Variants in EXOC4 observed in about 807,000 individuals in gnomAD.
The protein encoded by EXOC4 is exocyst complex component 4.
A neutral mutation model predicts 107.2 loss-of-function variants in EXOC4; 71 were observed. That is an observed-to-expected ratio of 0.66 (90% CI 0.55 to 0.81). The LOEUF is 0.81. EXOC4 is among the 30% of genes least tolerant of loss of function. EXOC4 has a pLI of 0.00. For missense variants in EXOC4, 1,108 were observed against 1,189.6 expected (o/e 0.93, Z 1.01); for synonymous variants, 456 against 441.2 (o/e 1.03, Z -0.42).
chr7:133,992,253 C>T (rs773223435), intron 14 of EXOC4, among the ~76,000 whole-genome samples: 7 of 149,264 alleles, frequency 4.7e-5, no homozygotes, highest in Admixed American at 6.8e-5. Context: ...GATTGCTGTT[C>T]GCATCTAGAA....
intron 10 of EXOC4, among the ~76,000 whole-genome samples, chr7:133,703,299 C>T (rs1325809141): frequency 6.6e-6 from 1 of 152,178 alleles, no homozygotes; most frequent in Non-Finnish European, 1.5e-5. Context: ...ATGTTCATTG[C>T]TACGTTGCTG....
chr7:133,808,695 C>T (rs538539410), intron 10 of EXOC4, among the ~76,000 whole-genome samples: 10 of 152,102 alleles, frequency 6.6e-5, no homozygotes, highest in African/African-American at 1.4e-4. Context: ...GTATAGCTAA[C>T]GGGTCATAGT....
chr7:133,919,899 T>C (rs960370801), intron 13 of EXOC4, among the ~76,000 whole-genome samples: 3 of 152,210 alleles, frequency 2.0e-5, no homozygotes, highest in Admixed American at 2.0e-4. Flanking sequence ...TTTGAGTAAA[T>C]ACCAAAGAAT....
intron 9 of EXOC4, among the ~76,000 whole-genome samples, chr7:133,581,757 CAAAAAAAAAAA>C (rs71162005): frequency 1.2e-5 from 1 of 82,912 alleles, no homozygotes; most frequent in Non-Finnish European, 2.3e-5. Flanking sequence ...GACTCCGTCT[CAAAAAAAAAAA>C]AAAAAAAAAA....
chr7:133,799,639 A>G (rs1017852357), intron 10 of EXOC4, among the ~76,000 whole-genome samples: 3 of 152,210 alleles, frequency 2.0e-5, no homozygotes, highest in Non-Finnish European at 2.9e-5. Flanking sequence ...CCTGATCCTA[A>G]GAGGACCATG....
At chr7:133,416,390 C>T (rs1797475534) in intron 7 of EXOC4, among the ~76,000 whole-genome samples, 1 of 152,202 alleles carries the variant, frequency 6.6e-6, no homozygotes, top group African/African-American at 2.4e-5. Flanking sequence ...CATACTTTCT[C>T]TCTTTCCTCT....
chr7:133,617,518 C>T (rs1802222381), intron 9 of EXOC4, among the ~76,000 whole-genome samples: 1 of 152,112 alleles, frequency 6.6e-6, no homozygotes. Flanking sequence ...AGACAAAGTA[C>T]TGCTAAAGCC....
intron 14 of EXOC4, among the ~76,000 whole-genome samples, chr7:133,957,694 G>A (rs1217406855): frequency 6.6e-6 from 1 of 152,128 alleles, no homozygotes; most frequent in Admixed American, 6.5e-5. Context: ...TCATTATCAG[G>A]AGCTTCTATT....
intron 17 of EXOC4, among the ~76,000 whole-genome samples, chr7:134,040,781 G>A (rs1340505802): frequency 6.6e-6 from 1 of 152,174 alleles, no homozygotes; most frequent in Non-Finnish European, 1.5e-5. Flanking sequence ...AGAAAAATAT[G>A]TAAGCAAAGC....
At chr7:133,714,850 G>A (rs1472574583) in intron 10 of EXOC4, among the ~76,000 whole-genome samples, 1 of 152,104 alleles carries the variant, frequency 6.6e-6, no homozygotes, top group Non-Finnish European at 1.5e-5. Flanking sequence ...CTACAAAAGA[G>A]CAAACAGATT....
At chr7:133,777,075 T>G (rs1796359924) in intron 10 of EXOC4, among the ~76,000 whole-genome samples, 1 of 152,104 alleles carries the variant, frequency 6.6e-6, no homozygotes, top group South Asian at 2.1e-4. Flanking sequence ...AAACATTATT[T>G]TATAAATATA....
intron 10 of EXOC4, among the ~76,000 whole-genome samples, chr7:133,698,292 A>G (rs1481796707): frequency 6.6e-6 from 1 of 152,020 alleles, no homozygotes; most frequent in Non-Finnish European, 1.5e-5. Context: ...TTCTGTGTTG[A>G]GACTGTTATT....
chr7:133,585,027 T>C (rs965657967), intron 9 of EXOC4, among the ~76,000 whole-genome samples: 7 of 152,240 alleles, frequency 4.6e-5, no homozygotes, highest in Non-Finnish European at 1.0e-4. Flanking sequence ...AATTTATTTT[T>C]TTGAATGTAA....
intron 4 of EXOC4, among the ~76,000 whole-genome samples, chr7:133,312,267 A>G (rs371653128): frequency 1.3e-5 from 2 of 152,174 alleles, no homozygotes; most frequent in African/African-American, 4.8e-5. Flanking sequence ...TTTGGGTCCC[A>G]AAAGCAAGTT....
At chr7:133,610,940 G>T (rs958571332) in intron 9 of EXOC4, among the ~76,000 whole-genome samples, 15 of 150,796 alleles carry the variant, frequency 9.9e-5, no homozygotes, top group Admixed American at 6.6e-5. Context: ...GCCTCCCAAG[G>T]AGCTGGGATC....
intron 10 of EXOC4, among the ~76,000 whole-genome samples, chr7:133,677,020 C>A (rs1379367565): frequency 6.8e-6 from 1 of 146,042 alleles, no homozygotes; most frequent in African/African-American, 2.5e-5. Flanking sequence ...AGAGTTCTTG[C>A]CTCCTTTATT....
intron 10 of EXOC4, among the ~76,000 whole-genome samples, chr7:133,751,407 T>C (rs578257604): frequency 2.0e-5 from 3 of 152,262 alleles, no homozygotes; most frequent in Admixed American, 6.5e-5. Flanking sequence ...AGAAAACACA[T>C]AGCCCAAAAT....
intron 5 of EXOC4, among the ~76,000 whole-genome samples, chr7:133,320,815 G>A (rs954462804): frequency 6.6e-6 from 1 of 152,202 alleles, no homozygotes; most frequent in Non-Finnish European, 1.5e-5. Flanking sequence ...TTGTATAAAT[G>A]AGGAAGATGT....
rs1563028624 is a variant in EXOC4, at chr7:133,855,132, T to TATATAA, written c.1734+37593_1734+37594insAATATA. Among the ~76,000 whole-genome samples the TATATAA allele has an allele frequency of 7.2e-4, 51 of 70,348 alleles. 1 individual carries two copies. Among genetic ancestry groups the TATATAA allele is most frequent in the African/African-American group, 2.6e-3 (35 of 13,340 alleles). The allele number at this position is 70,348 out of a possible 152,430, so 46.2% of individuals were successfully genotyped here. A position where few individuals can be genotyped will look rare whatever the true frequency, so the allele number is the denominator to read the frequency against. On this transcript the variant is annotated intron_variant, in intron 11 of 17. Transcript: ENST00000253861. ...ATATATAAATATATATATATAAATATATATATATATAAATATATATATAAA... is the reference window on the plus strand; with the variant it reads ...ATATATAAATATATATATATAAATATATATAAATATATATATAAATATATATATAAA...
Sources: gnomAD v4.1 joint callset for allele counts (sites outside exome capture counted in the v4.1 genomes callset) on GRCh38, gnomAD v4.1.1 for gene constraint, MANE v1.5 for transcripts, NCBI Gene and HGNC (gene_info 2026-07-23, HGNC 2026-07-21) for gene names.